Variants in EYA1 observed in about 807,000 individuals in gnomAD.
EYA1 encodes protein phosphatase EYA1.
A neutral mutation model predicts 82.0 loss-of-function variants in EYA1; 16 were observed. The ratio of observed to expected loss-of-function variants is 0.20; its 90% CI spans 0.13 to 0.30. The LOEUF (loss-of-function observed/expected upper bound fraction) is 0.30, where lower values mean the gene tolerates loss of function less well. Among genes scored for constraint, EYA1 ranks in the 10% least tolerant of loss-of-function variants. EYA1 has a pLI of 1.00. For synonymous variants in EYA1, 261 were observed against 264.4 expected, an observed-to-expected ratio of 0.99 and a Z score of 0.12; for missense variants, 633 against 730.7, an observed-to-expected ratio of 0.87 and a Z score of 1.54.
chr8:71,247,556 G>A (rs1309245932), intron 11 of EYA1, among the ~76,000 whole-genome samples: 1 of 152,116 alleles, frequency 6.6e-6, no homozygotes, highest in East Asian at 1.9e-4. Flanking sequence ...TTCTGAAATT[G>A]TCCCTTTTTA....
At chr8:71,385,713 G>T (rs1262614291) in intron 2 of EYA1, among the ~76,000 whole-genome samples, 1 of 152,098 alleles carries the variant, frequency 6.6e-6, no homozygotes, top group Non-Finnish European at 1.5e-5. Flanking sequence ...AACTTTTAAC[G>T]CAATGTTTTT....
chr8:71,264,810 T>A (rs1250653668), intron 11 of EYA1, among the ~76,000 whole-genome samples: 4 of 152,050 alleles, frequency 2.6e-5, no homozygotes, highest in Admixed American at 6.6e-5. Flanking sequence ...CTTGAACTCC[T>A]GAGCTCAAGT....
At chr8:71,528,125 T>C (rs1332385846) in intron 2 of EYA1, among the ~76,000 whole-genome samples, 2 of 152,170 alleles carry the variant, frequency 1.3e-5, no homozygotes, top group African/African-American at 4.8e-5. Flanking sequence ...CACTCCTGCA[T>C]GTTAAGAGTG....
chr8:71,350,294 T>C (rs1321777671), intron 3 of EYA1, among the ~76,000 whole-genome samples: 1 of 152,186 alleles, frequency 6.6e-6, no homozygotes, highest in African/African-American at 2.4e-5. Context: ...ATAATCTAGT[T>C]GGATAGCACT....
In EYA1 at chr8:71,304,005, A is replaced by G. The variant is rs549400017; in HGVS notation, c.557-4285T>C. On this transcript the variant is annotated intron_variant, in intron 7 of 17. Coordinates refer to ENST00000340726, the MANE Select transcript of EYA1 (RefSeq NM_000503.6). ...CTCTTGCTCGATTCTATATTGTATA[A>G]TGGGAAGTTCTGATATACACTAAAG... is the stretch of plus-strand genomic sequence containing the variant. 3.6e-4 allele frequency among the ~76,000 whole-genome samples: 52 copies of G among 142,574 alleles called. 8 individuals are homozygous for G. Among genetic ancestry groups the G allele is most frequent in the Admixed American group, 1.3e-3 (18 of 14,362 alleles). The allele number at this position is 142,574 out of a possible 152,430, so 93.5% of individuals were successfully genotyped here. A position where few individuals can be genotyped will look rare whatever the true frequency, so the allele number is the denominator to read the frequency against.
At chr8:71,255,207 C>G (rs892302291) in intron 11 of EYA1, among the ~76,000 whole-genome samples, 2 of 152,156 alleles carry the variant, frequency 1.3e-5, no homozygotes, top group African/African-American at 4.8e-5. Flanking sequence ...CAATCCCTAT[C>G]AAATCCCCAA....
chr8:71,230,435 C>A (rs1811059123), intron 12 of EYA1, among the ~76,000 whole-genome samples: 1 of 152,208 alleles, frequency 6.6e-6, no homozygotes, highest in Admixed American at 6.5e-5. Context: ...TTCCATTCAA[C>A]AAGAAAGGAA....
chr8:71,238,045 T>C (rs929506331), intron 12 of EYA1, among the ~76,000 whole-genome samples: 5 of 152,144 alleles, frequency 3.3e-5, no homozygotes, highest in Admixed American at 3.3e-4. Flanking sequence ...AGGATCTCAA[T>C]ACTTATTTCC....
rs558294414 is a variant in EYA1 at position 71,405,908 on chromosome 8, C to G, written c.34-49397G>C. 4.6e-5 allele frequency among the ~76,000 whole-genome samples: 7 copies of G among 152,312 alleles called. No individual in the cohort carries two copies. In the South Asian group the frequency reaches 6.2e-4, roughly 14 times the overall value. On this transcript the variant is annotated intron_variant, in intron 2 of 18. Coordinates refer to the EYA1 transcript ENST00000643681. ...TCTCAATTGCATTCGCCTCTCAAAT[C>G]TTAATATATGGCATCCCCTGATCAC...
At chr8:71,423,972 T>C (rs1172272901) in intron 2 of EYA1, among the ~76,000 whole-genome samples, 2 of 152,240 alleles carry the variant, frequency 1.3e-5, no homozygotes, top group Non-Finnish European at 2.9e-5. Flanking sequence ...TCTATTTATT[T>C]TGTAACCTTA....
chr8:71,289,206 G>A (rs1447640830), intron 9 of EYA1, among the ~76,000 whole-genome samples: 2 of 152,208 alleles, frequency 1.3e-5, no homozygotes, highest in Non-Finnish European at 2.9e-5. Flanking sequence ...GACTATTTAA[G>A]TAGGATACAG....
chr8:71,400,619 TAAA>T (rs997181980), intron 2 of EYA1, among the ~76,000 whole-genome samples: 51 of 152,138 alleles, frequency 3.4e-4, no homozygotes, highest in Non-Finnish European at 1.0e-4. Flanking sequence ...TGGCATTTAT[TAAA>T]AAGTCAAGAA....
intron 2 of EYA1, among the ~76,000 whole-genome samples, chr8:71,508,671 C>A (rs1285256417): frequency 1.3e-5 from 2 of 152,078 alleles, no homozygotes. Flanking sequence ...TTGAAGGCAC[C>A]ATCCATGAAC....
chr8:71,309,389 A>T (rs1454439468), intron 7 of EYA1, among the ~76,000 whole-genome samples: 1 of 152,070 alleles, frequency 6.6e-6, no homozygotes, highest in African/African-American at 2.4e-5. Flanking sequence ...TAGAACATAA[A>T]ATGCCAAGAA....
Position 71,271,844 on chromosome 8 carries a change from G to T in EYA1, c.880C>A (p.Arg294=). Residue 294 remains arginine (R), a synonymous_variant, in exon 10 of 18, where the codon CGA becomes AGA. Coordinates refer to ENST00000340726, the MANE Select transcript of EYA1 (RefSeq NM_000503.6). ...STPIKDSDSD[R]LRRGSDGKSR... ...TTCCCATCTGAACCTCGACGCAATC[G>T]ATCAGAATCTGAATCTTTAATGGGT... 6.2e-7 allele frequency: 1 copy of T among 1,614,092 alleles called. No homozygotes were observed. Among genetic ancestry groups the T allele is most frequent in the South Asian group, 1.1e-5 (1 of 91,078 alleles).
chr8:71,290,624 C>T (rs944736605), intron 9 of EYA1, among the ~76,000 whole-genome samples: 1 of 152,224 alleles, frequency 6.6e-6, no homozygotes, highest in Admixed American at 6.5e-5. Context: ...AAACCAGTAA[C>T]AAGGCACAAA....
At chr8:71,321,699 C>T (rs748402921) in intron 6 of EYA1, 35 bp downstream of exon 6, 16 of 1,610,330 alleles carry the variant, frequency 9.9e-6, no homozygotes, top group Middle Eastern at 1.7e-4. Flanking sequence ...CATGCCCATG[C>T]GATAACGCCA....
chr8:71,425,104 CAAAAAAAAAAAAAA>C (rs71264555), intron 2 of EYA1, among the ~76,000 whole-genome samples: 37 of 75,278 alleles, frequency 4.9e-4, no homozygotes, highest in African/African-American at 2.0e-3. Context: ...ACTAAAAATA[CAAAAAAAAAAAAAA>C]AAAAAAAAAA....
chr8:71,393,332 C>T (rs1829387263), intron 2 of EYA1, among the ~76,000 whole-genome samples: 1 of 151,922 alleles, frequency 6.6e-6, no homozygotes, highest in African/African-American at 2.4e-5. Flanking sequence ...TTCTAGGGTA[C>T]ATGTGCACAA....
Sources: allele counts gnomAD v4.1 joint callset (sites outside exome capture counted in the v4.1 genomes callset), GRCh38; gene constraint gnomAD v4.1.1; transcripts MANE v1.5; gene names NCBI Gene and HGNC (gene_info 2026-07-23, HGNC 2026-07-21).